CTSB: variants seen among roughly 807,000 people sequenced by gnomAD.
CTSB encodes the protein APP secretase.
In CTSB, 57 loss-of-function variants were observed where a neutral mutation model predicts 44.3. The observed-to-expected ratio is 1.29, with a 90% CI of 1.04 to 1.60. CTSB has a LOEUF of 1.60. CTSB is among the 40% of genes most tolerant of loss of function. The probability of loss-of-function intolerance (pLI) is 0.00; values close to 1 mark genes in which losing one functional copy is unlikely to be tolerated. For synonymous variants in CTSB, 320 were observed against 168.0 expected (o/e 1.91, Z -7.00); for missense variants, 768 against 443.0 (o/e 1.73, Z -6.59).
chr8:11,866,101 AC>A (rs1467291348), intron 1 of CTSB, among the ~76,000 whole-genome samples: 1 of 151,754 alleles, frequency 6.6e-6, no homozygotes, highest in Admixed American at 6.6e-5. Flanking sequence ...CTGAAACGTG[AC>A]CTCCCTTCAA....
rs567257300 is a variant in CTSB at position 11,849,035 on chromosome 8, G to C, written c.446+11C>G. 9 of 1,603,252 alleles carry C rather than the reference G, an allele frequency of 5.6e-6. No homozygotes were observed. The highest frequency in any genetic ancestry group is 5.3e-5 in the African/African-American group (4 of 74,836). On this transcript the variant is annotated intron_variant, in intron 5 of 9. Transcript: ENST00000353047. ...GCACTAAACCCGCTGTGGAAGCACA[G>C]CCTGACTCACCCGTCCCCACACATG...
chr8:11,848,058 C>A lies in CTSB; in HGVS notation c.532+9G>T. The stretch of plus-strand genomic sequence containing the variant: ...TCTGGCCAGAAAGTGGCCAAGGGGA[C>A]ACACTTACCTACATGGGATTCATAG... On this transcript the variant is annotated intron_variant, in intron 6 of 9. Coordinates refer to ENST00000353047, the MANE Select transcript of CTSB (RefSeq NM_001908.5). 1 of 1,603,062 alleles carries A rather than the reference C, an allele frequency of 6.2e-7. No individual in the cohort carries two copies.
chr8:11,853,725 G>A (rs1382452620), intron 1 of CTSB: 3 of 433,172 alleles, frequency 6.9e-6, no homozygotes, highest in Non-Finnish European at 1.3e-5. Context: ...GGCTGTGCTG[G>A]ACGAGACCGA....
chr8:11,847,393 G>A (rs1360177908), intron 7 of CTSB, among the ~76,000 whole-genome samples: 1 of 152,174 alleles, frequency 6.6e-6, no homozygotes, highest in Non-Finnish European at 1.5e-5. Flanking sequence ...CGAGGCCCCG[G>A]AAGAGGCCAG....
Position 11,845,065 on chromosome 8 carries a change from AT to A in CTSB, c.*59del. 1.8e-6 allele frequency: 2 copies of A among 1,140,020 alleles called. No homozygotes were observed. Among genetic ancestry groups the A allele is most frequent in the Non-Finnish European group, 2.7e-6 (2 of 752,318 alleles). 70.6% of individuals were successfully genotyped at this position (1,140,020 alleles called of 1,614,324 possible). On this transcript the variant is annotated 3_prime_UTR_variant, in exon 10 of 10. Coordinates refer to ENST00000353047, the MANE Select transcript of CTSB (RefSeq NM_001908.5). Reference sequence around the variant, plus strand: ...CTTGTATCTTACGTGAACTTAAAGAATAAAATGCATTTCTACCCCGATCTCG... The same window carrying A: ...CTTGTATCTTACGTGAACTTAAAGAAAAAATGCATTTCTACCCCGATCTCG...
chr8:11,863,417 C>G (rs1007348570), intron 1 of CTSB, among the ~76,000 whole-genome samples: 24 of 152,040 alleles, frequency 1.6e-4, no homozygotes, highest in African/African-American at 5.8e-4. Context: ...CGAGATTACA[C>G]CACTGCACTC....
chr8:11,860,045 C>G (rs1260107726), intron 1 of CTSB, among the ~76,000 whole-genome samples: 12 of 151,962 alleles, frequency 7.9e-5, no homozygotes, highest in Non-Finnish European at 1.5e-5. Flanking sequence ...GCACTCCAGC[C>G]TGGGCGACAG....
chr8:11,849,218 G>T, intron 4 of CTSB, 54 bp from the exon 5 acceptor site: 1 of 1,477,314 alleles, frequency 6.8e-7, no homozygotes, highest in Non-Finnish European at 9.4e-7. Context: ...TGGGCCCTCT[G>T]CAGCAGTCCC....
At chr8:11,846,312 A>T (rs987761737) in intron 8 of CTSB, 1 of 152,408 alleles carries the variant, frequency 6.6e-6, no homozygotes, top group African/African-American at 2.4e-5. Context: ...AATCACTGTC[A>T]AAGTGGAAAT....
At chr8:11,853,234 T>C in intron 2 of CTSB, 95 bp downstream of exon 2, 1 of 1,521,488 alleles carries the variant, frequency 6.6e-7, no homozygotes, top group Non-Finnish European at 8.9e-7. Flanking sequence ...CAATGTTCTG[T>C]GGGCCACAGT....
At chr8:11,850,419 C>CAAAAAAAAAAAA (rs61067792) in intron 4 of CTSB, among the ~76,000 whole-genome samples, 5 of 53,780 alleles carry the variant, frequency 9.3e-5, no homozygotes, top group African/African-American at 2.3e-4. Flanking sequence ...ACTCCATCTC[C>CAAAAAAAAAAAA]AAAAAAAAAA....
chr8:11,853,367 G>C lies in CTSB; in HGVS notation c.88C>G (p.Leu30Val), dbSNP rs139053473. The change falls in exon 2 of 10, where the codon CTG becomes GTG. Residue 30 changes from leucine to valine, a missense_variant. Transcript: ENST00000353047. ...TTCCGTTTGTTGACATAGTTGACCA[G>C]CTCATCCGACAGGGGATGGAAAGAG... is the stretch of plus-strand genomic sequence containing the variant. ...RPSFHPLSDELVNYVNKRNTT... is the reference protein window; with the variant it reads ...RPSFHPLSDEVVNYVNKRNTT... 110 of 1,613,274 alleles carry C rather than the reference G, an allele frequency of 6.8e-5. No homozygotes were observed. The African/African-American group carries it at 1.4e-3, about 20-fold the overall frequency.
chr8:11,857,628 G>A (rs1402208157), intron 1 of CTSB, among the ~76,000 whole-genome samples: 1 of 152,164 alleles, frequency 6.6e-6, no homozygotes. Flanking sequence ...AACTCCTGGA[G>A]GACAACCTGC....
intron 1 of CTSB, among the ~76,000 whole-genome samples, chr8:11,862,664 T>C (rs1816601514): frequency 6.6e-6 from 1 of 152,168 alleles, no homozygotes; most frequent in Non-Finnish European, 1.5e-5. Flanking sequence ...CTTCCAACCC[T>C]CGAATGGGAA....
chr8:11,853,182 C>G, intron 2 of CTSB, 147 bp downstream of exon 2: 1 of 1,086,392 alleles, frequency 9.2e-7, no homozygotes, highest in Non-Finnish European at 1.3e-6. Flanking sequence ...GGTCCAGAGC[C>G]GACATGACTC....
rs1432389643 is a variant in CTSB, at chr8:11,845,230, T to C, written c.923-8A>G. Reference sequence around the variant, plus strand: ...TGAGTATTTTAAAGAAGCCTGGGAATAAAAAGTAAGGTGCTTTTAAAGTGT... The same window carrying C: ...TGAGTATTTTAAAGAAGCCTGGGAACAAAAAGTAAGGTGCTTTTAAAGTGT... On this transcript the variant is annotated splice_polypyrimidine_tract_variant and splice_region_variant and intron_variant, in intron 9 of 9. Transcript: ENST00000353047. 6.2e-7 allele frequency: 1 copy of C among 1,604,308 alleles called. No individual in the cohort carries two copies. The highest frequency in any genetic ancestry group is 1.7e-5 in the Admixed American group (1 of 59,952).
chr8:11,858,593 C>T (rs1815901244), intron 1 of CTSB, among the ~76,000 whole-genome samples: 1 of 152,198 alleles, frequency 6.6e-6, no homozygotes, highest in African/African-American at 2.4e-5. Flanking sequence ...CCCAGTAAAA[C>T]AAGCTCTTAA....
At chr8:11,857,431 G>A (rs905566364) in intron 1 of CTSB, among the ~76,000 whole-genome samples, 1 of 152,212 alleles carries the variant, frequency 6.6e-6, no homozygotes, top group African/African-American at 2.4e-5. Flanking sequence ...AGGTTAGCAT[G>A]TCTCGTGGGC....
intron 1 of CTSB, among the ~76,000 whole-genome samples, chr8:11,866,251 A>G (rs1817131158): frequency 6.6e-6 from 1 of 152,166 alleles, no homozygotes; most frequent in South Asian, 2.1e-4. Context: ...CCAGTCTGCT[A>G]AATCAGCACC....
Sources: gnomAD v4.1 joint callset for allele counts (sites outside exome capture counted in the v4.1 genomes callset) on GRCh38, gnomAD v4.1.1 for gene constraint, MANE v1.5 for transcripts, NCBI Gene and HGNC (gene_info 2026-07-23, HGNC 2026-07-21) for gene names.